Variants in SLC25A21 observed in about 807,000 individuals in gnomAD.
SLC25A21 encodes the protein solute carrier family 25 member 21, also known as mitochondrial 2-oxodicarboxylate carrier.
SLC25A21 carries 47 observed loss-of-function variants against 43.8 expected under a neutral mutation model. The ratio of observed to expected loss-of-function variants is 1.07; its 90% CI spans 0.85 to 1.37. SLC25A21 has a LOEUF of 1.37. Among genes scored for constraint, SLC25A21 ranks in the 40% most tolerant of loss-of-function variants. The probability of loss-of-function intolerance (pLI) is 0.00; values close to 1 mark genes in which losing one functional copy is unlikely to be tolerated. For missense variants in SLC25A21, 352 were observed against 350.2 expected (o/e 1.00, Z -0.04); for synonymous variants, 131 against 121.3 (o/e 1.08, Z -0.52).
intron 1 of SLC25A21, among the ~76,000 whole-genome samples, chr14:37,108,347 CCAG>C (rs1962953732): frequency 6.6e-6 from 1 of 152,010 alleles, no homozygotes; most frequent in South Asian, 2.1e-4. Context: ...TGATAGAAAC[CCAG>C]GATAGAGTAC....
intron 1 of SLC25A21, among the ~76,000 whole-genome samples, chr14:36,992,017 C>A (rs1028007340): frequency 3.9e-5 from 6 of 152,150 alleles, no homozygotes; most frequent in Non-Finnish European, 8.8e-5. Flanking sequence ...TCAGTGGTTT[C>A]TTTATTTCTT....
At chr14:36,751,117 C>T (rs986876464) in intron 3 of SLC25A21, among the ~76,000 whole-genome samples, 2 of 152,178 alleles carry the variant, frequency 1.3e-5, no homozygotes, top group African/African-American at 2.4e-5. Context: ...ATTGTCTTGC[C>T]TACATCTTCT....
chr14:36,735,812 CTTTTTTTTT>C (rs58500416), intron 3 of SLC25A21, among the ~76,000 whole-genome samples: 5 of 131,684 alleles, frequency 3.8e-5, no homozygotes, highest in African/African-American at 1.1e-4. Flanking sequence ...TCCCAGAATC[CTTTTTTTTT>C]TTTTTTTTTG....
intron 1 of SLC25A21, among the ~76,000 whole-genome samples, chr14:36,968,670 T>A (rs749434763): frequency 3.9e-5 from 6 of 152,162 alleles, no homozygotes; most frequent in Non-Finnish European, 8.8e-5. Flanking sequence ...TCTCCTGAGC[T>A]GCAGCTCAGC....
chr14:36,705,581 T>G (rs1379540788), intron 7 of SLC25A21, among the ~76,000 whole-genome samples: 1 of 152,074 alleles, frequency 6.6e-6, no homozygotes, highest in African/African-American at 2.4e-5. Flanking sequence ...CCACTTAATC[T>G]CTCTCTGTCT....
chr14:37,003,510 A>C (rs1315452326), intron 1 of SLC25A21, among the ~76,000 whole-genome samples: 1 of 152,216 alleles, frequency 6.6e-6, no homozygotes, highest in Non-Finnish European at 1.5e-5. Context: ...GTAATAGTTA[A>C]AAACTGAAAC....
At chr14:36,788,144 T>C (rs1887317591) in intron 3 of SLC25A21, among the ~76,000 whole-genome samples, 1 of 152,186 alleles carries the variant, frequency 6.6e-6, no homozygotes, top group Admixed American at 6.5e-5. Flanking sequence ...AGCATTGCTT[T>C]ATTTTCTTAA....
intron 1 of SLC25A21, among the ~76,000 whole-genome samples, chr14:37,133,457 T>C (rs1008768372): frequency 5.3e-5 from 8 of 151,732 alleles, no homozygotes; most frequent in African/African-American, 1.9e-4. Context: ...CAGTCCTCCT[T>C]CTCTTTCCCA....
intron 3 of SLC25A21, among the ~76,000 whole-genome samples, chr14:36,804,342 T>C (rs1426622414): frequency 6.6e-6 from 1 of 152,316 alleles, no homozygotes; most frequent in Non-Finnish European, 1.5e-5. Context: ...ACCACTCTTT[T>C]GTTATTGACA....
chr14:37,101,877 G>A (rs1195915516), intron 1 of SLC25A21, among the ~76,000 whole-genome samples: 1 of 152,106 alleles, frequency 6.6e-6, no homozygotes, highest in Non-Finnish European at 1.5e-5. Context: ...TGATAAAGAA[G>A]ACTGTACCAG....
At chr14:36,783,890 A>G (rs759048671) in intron 3 of SLC25A21, among the ~76,000 whole-genome samples, 5 of 152,170 alleles carry the variant, frequency 3.3e-5, no homozygotes, top group Non-Finnish European at 7.3e-5. Flanking sequence ...CAGGAACTAC[A>G]TTCTGTGTTC....
chr14:36,698,468 A>G (rs778706440), intron 7 of SLC25A21, among the ~76,000 whole-genome samples: 8 of 152,132 alleles, frequency 5.3e-5, no homozygotes, highest in Non-Finnish European at 1.0e-4. Context: ...CTGCCTTGCT[A>G]GGTTGGGGAA....
At chr14:36,786,472 G>C (rs1377417786) in intron 3 of SLC25A21, among the ~76,000 whole-genome samples, 2 of 152,314 alleles carry the variant, frequency 1.3e-5, no homozygotes, top group East Asian at 1.9e-4. Context: ...AGGCCAATTA[G>C]AACAGCTCCA....
At chr14:36,896,162 T>C (rs1364408142) in intron 1 of SLC25A21, among the ~76,000 whole-genome samples, 1 of 152,218 alleles carries the variant, frequency 6.6e-6, no homozygotes, top group Non-Finnish European at 1.5e-5. Context: ...CCATTATTAT[T>C]GTGTAGGAGT....
Position 36,682,954 on chromosome 14 carries a change from A to G in SLC25A21, c.838+874T>C, listed in dbSNP as rs184981438. ...GGCTGAGATCTAAAGGTGAATGTGC[A>G]TGTGTGTTTGTGTAGCAGGGTAGGA... On this transcript the variant is annotated intron_variant, in intron 9 of 9. Coordinates refer to ENST00000331299, the MANE Select transcript of SLC25A21 (RefSeq NM_030631.4). Among the ~76,000 whole-genome samples the G allele has an allele frequency of 3.3e-5, 5 of 152,228 alleles. No individual in the cohort carries two copies. The East Asian group carries it at 9.7e-4, about 29-fold the overall frequency.
chr14:37,041,941 C>G (rs28380757), intron 1 of SLC25A21, among the ~76,000 whole-genome samples: 72,947 of 151,398 alleles, frequency 0.48, 20,356 homozygotes, highest in African/African-American at 0.79. Flanking sequence ...AGGTAAATGG[C>G]TGTAAGGAGG....
chr14:37,119,508 G>A (rs1963166609), intron 1 of SLC25A21, among the ~76,000 whole-genome samples: 1 of 151,870 alleles, frequency 6.6e-6, no homozygotes, highest in Admixed American at 6.6e-5. Flanking sequence ...AGTAAGCCAA[G>A]ATAGTGCCAC....
chr14:36,758,232 CAGA>C (rs1886007160), intron 3 of SLC25A21, among the ~76,000 whole-genome samples: 1 of 152,134 alleles, frequency 6.6e-6, no homozygotes, highest in East Asian at 1.9e-4. Flanking sequence ...CAGTGTTTTC[CAGA>C]AGAAGTGAAC....
chr14:36,714,022 A>G, intron 6 of SLC25A21, among the ~76,000 whole-genome samples: 1 of 152,188 alleles, frequency 6.6e-6, no homozygotes, highest in Non-Finnish European at 1.5e-5. Flanking sequence ...AAACAAAAAA[A>G]GAAAAAAAAA....
Sources: gnomAD v4.1 joint callset for allele counts (sites outside exome capture counted in the v4.1 genomes callset) on GRCh38, gnomAD v4.1.1 for gene constraint, MANE v1.5 for transcripts, NCBI Gene and HGNC (gene_info 2026-07-23, HGNC 2026-07-21) for gene names.